Variants in SMARCA4 observed in about 807,000 individuals in gnomAD.
SMARCA4 encodes the protein SWI/SNF related BAF chromatin remodeling complex subunit ATPase 4.
SMARCA4 carries 31 observed loss-of-function variants against 193.9 expected under a neutral mutation model. The observed-to-expected ratio is 0.16, with a 90% CI of 0.12 to 0.22. The LOEUF is 0.22. Among genes scored for constraint, SMARCA4 ranks in the 10% least tolerant of loss-of-function variants. SMARCA4 has a pLI of 1.00. For synonymous variants in SMARCA4, 942 were observed against 933.1 expected, an observed-to-expected ratio of 1.01 and a Z score of -0.17; for missense variants, 1,148 against 2,296.0, an observed-to-expected ratio of 0.50 and a Z score of 10.22.
Position 11,033,207 on chromosome 19 carries a change from C to T in SMARCA4, c.3547-83C>T. 3.8e-6 allele frequency: 4 copies of T among 1,062,350 alleles called. No homozygotes were observed. The highest frequency in any genetic ancestry group is 5.9e-6 in the Non-Finnish European group (4 of 682,170). 65.8% of individuals were successfully genotyped at this position (1,062,350 alleles called of 1,614,324 possible). A position where few individuals can be genotyped will look rare whatever the true frequency, so the allele number is the denominator to read the frequency against. On this transcript the variant is annotated intron_variant, in intron 25 of 34. Transcript: ENST00000344626. The surrounding 1 kb of genome is among the most constrained non-coding windows in gnomAD (Gnocchi z 9.8). ...GGCCGAGGGTGGCACGCACAGCACACCTCTCCAGCTAGTGTCAGAGGCCAC... is the reference window on the plus strand; with the variant it reads ...GGCCGAGGGTGGCACGCACAGCACATCTCTCCAGCTAGTGTCAGAGGCCAC...
In SMARCA4 at chr19:11,003,137, G is replaced by A. The variant is rs2146098679; in HGVS notation, c.1921G>A (p.Ala641Thr). The A allele has an allele frequency of 6.2e-7, 1 of 1,614,192 alleles. No individual in the cohort carries two copies. ...TGCCCCCAAAGCCGGGCAGCTGGAG[G>A]CCTGGCTCGAGATGAACCCGGGGTG... is the stretch of plus-strand genomic sequence containing the variant. ...TDAPKAGQLEAWLEMNPGYEV... is the reference protein window; with the variant it reads ...TDAPKAGQLETWLEMNPGYEV... Residue 641 changes from alanine (A) to threonine (T), a missense_variant, in exon 12 of 35, where the codon GCC becomes ACC. By Grantham distance (58) the Ala-to-Thr change is moderately conservative. This residue lies in a region of SMARCA4 where 115 missense variants were observed against 175.1 expected (regional missense o/e 0.66). Transcript: ENST00000344626.
intron 34 of SMARCA4, 112 bp downstream of exon 34, chr19:11,060,299 G>C: frequency 1.5e-6 from 2 of 1,348,892 alleles, no homozygotes; most frequent in Non-Finnish European, 2.1e-6. Flanking sequence ...CTGCAGGTGG[G>C]AAAGCTGAGG....
intron 30 of SMARCA4, among the ~76,000 whole-genome samples, chr19:11,050,204 A>G (rs1419810770): frequency 6.6e-6 from 1 of 152,244 alleles, no homozygotes; most frequent in Non-Finnish European, 1.5e-5. Flanking sequence ...CAATGGCTGC[A>G]GACTATGCTC....
Position 10,986,520 on chromosome 19 carries a change from A to T in SMARCA4, c.687A>T (p.Gly229=). ...TLPPPSVSAT[G]PGPGPGPGPG... The stretch of plus-strand genomic sequence containing the variant: ...CTCCACCCTCGGTGTCCGCAACAGG[A>T]CCCGGCCCTGGCCCTGGCCCTGGCC... The change falls in exon 4 of 35, where the codon GGA becomes GGT. Residue 229 remains glycine, a synonymous_variant. Transcript: ENST00000344626. The surrounding 1 kb of genome is among the most constrained non-coding windows in gnomAD (Gnocchi z 6.7). 6.5e-7 allele frequency: 1 copy of T among 1,543,708 alleles called. No individual in the cohort carries two copies. The highest frequency in any genetic ancestry group is 1.2e-5 in the South Asian group (1 of 84,004).
At position 11,033,196 on chromosome 19, in the gene SMARCA4, C is replaced by T. The variant is rs1031045687; in HGVS notation, c.3547-94C>T. 1.0e-5 allele frequency: 10 copies of T among 959,772 alleles called. No homozygotes were observed. Among genetic ancestry groups the T allele is most frequent in the Non-Finnish European group, 1.3e-5 (8 of 592,878 alleles). 59.5% of individuals were successfully genotyped at this position (959,772 alleles called of 1,614,324 possible). A position where few individuals can be genotyped will look rare whatever the true frequency, so the allele number is the denominator to read the frequency against. On this transcript the variant is annotated intron_variant, in intron 25 of 34. Transcript: ENST00000344626. The surrounding 1 kb of genome is among the most constrained non-coding windows in gnomAD (Gnocchi z 9.8). ...CAGAATTGTCAGGCCGAGGGTGGCA[C>T]GCACAGCACACCTCTCCAGCTAGTG...
At chr19:11,044,328 C>T (rs2075781401) in intron 30 of SMARCA4, among the ~76,000 whole-genome samples, 2 of 152,118 alleles carry the variant, frequency 1.3e-5, no homozygotes, top group East Asian at 1.9e-4. Flanking sequence ...TCCACGGGAG[C>T]CAAAAGCCAC....
chr19:10,987,447 G>A lies in SMARCA4; in HGVS notation c.860-219G>A, dbSNP rs1474947362. On this transcript the variant is annotated intron_variant, in intron 5 of 34. Transcript: ENST00000344626. This position sits in a 1 kb window ranked among gnomAD's most constrained non-coding sequence, Gnocchi z 5.3. ...GAACAAAAAGGCCTTGGGAGCCTGG[G>A]GCTGGCCCCAGTGGAGGGTGTGAAG... Among the ~76,000 whole-genome samples the A allele has an allele frequency of 2.0e-5, 3 of 152,190 alleles. No individual in the cohort carries two copies. Among genetic ancestry groups the A allele is most frequent in the Admixed American group, 6.5e-5 (1 of 15,282 alleles).
intron 30 of SMARCA4, among the ~76,000 whole-genome samples, chr19:11,043,883 C>G (rs760084552): frequency 6.6e-6 from 1 of 151,912 alleles, no homozygotes; most frequent in African/African-American, 2.4e-5. Flanking sequence ...AGGCTGGGCA[C>G]GAGAATCGCT....
intron 30 of SMARCA4, among the ~76,000 whole-genome samples, chr19:11,042,188 C>T (rs2075657451): frequency 6.6e-6 from 1 of 152,258 alleles, no homozygotes; most frequent in Non-Finnish European, 1.5e-5. Flanking sequence ...CATGCGGTTC[C>T]AGCTGTGGCC....
chr19:11,061,200 A>AT (rs1555796973), intron 34 of SMARCA4, among the ~76,000 whole-genome samples: 202 of 70,392 alleles, frequency 2.9e-3, no homozygotes, highest in Non-Finnish European at 4.4e-3. Flanking sequence ...AAAAAAAAAA[A>AT]AAAAATATAT....
At chr19:11,025,101 G>A (rs1206650911) in intron 21 of SMARCA4, among the ~76,000 whole-genome samples, 1 of 150,584 alleles carries the variant, frequency 6.6e-6, no homozygotes, top group African/African-American at 2.4e-5. Flanking sequence ...CACAGTAACA[G>A]TGCCCAGAAC....
At chr19:11,026,277 A>T (rs1294701018) in intron 22 of SMARCA4, 23 bp from the exon 23 acceptor site, 2 of 1,609,746 alleles carry the variant, frequency 1.2e-6, no homozygotes, top group Non-Finnish European at 1.7e-6. Flanking sequence ...CCTGTCACTG[A>T]CCCCTCTCTC....
At chr19:11,021,050 C>A (rs2089823247) in intron 18 of SMARCA4, 1 of 164,670 alleles carries the variant, frequency 6.1e-6, no homozygotes, top group Admixed American at 5.6e-5. Context: ...CAGGCTCTTA[C>A]CTCAGGTCCA....
chr19:11,010,684 G>A (rs775331215), intron 15 of SMARCA4, among the ~76,000 whole-genome samples, 153 bp downstream of exon 15: 1 of 152,160 alleles, frequency 6.6e-6, no homozygotes, highest in Non-Finnish European at 1.5e-5. Context: ...GTTTCCCCAT[G>A]TGTAAAGCAG....
At chr19:11,001,293 A>T (rs2087610455) in intron 11 of SMARCA4, among the ~76,000 whole-genome samples, 1 of 151,538 alleles carries the variant, frequency 6.6e-6, no homozygotes, top group African/African-American at 2.4e-5. Context: ...ACATAGGGAG[A>T]CTCTGTCTCT....
intron 8 of SMARCA4, among the ~76,000 whole-genome samples, chr19:10,993,762 C>T (rs570900875): frequency 7.9e-5 from 12 of 151,986 alleles, no homozygotes; most frequent in African/African-American, 2.4e-4. Context: ...TCTTCTGCCT[C>T]GGCCTCCTGA....
At chr19:10,967,900 G>A (rs1239306912) in intron 1 of SMARCA4, among the ~76,000 whole-genome samples, 2 of 147,166 alleles carry the variant, frequency 1.4e-5, no homozygotes, top group Admixed American at 6.9e-5. Flanking sequence ...TTTTTGAGAC[G>A]GAGTCTTGCT....
At chr19:11,022,947 C>G (rs992671484) in intron 19 of SMARCA4, among the ~76,000 whole-genome samples, 2 of 152,172 alleles carry the variant, frequency 1.3e-5, no homozygotes, top group South Asian at 4.1e-4. Context: ...AAAGTTTTGG[C>G]GTCGTCTCAT....
At chr19:10,995,850 T>G in intron 9 of SMARCA4, 1 of 381,618 alleles carries the variant, frequency 2.6e-6, no homozygotes, top group Non-Finnish European at 5.1e-6. Context: ...ATCTGATGTA[T>G]TCTTAGAAAG....
Sources: allele counts gnomAD v4.1 joint callset (sites outside exome capture counted in the v4.1 genomes callset), GRCh38; gene constraint gnomAD v4.1.1; regional missense constraint gnomAD v4.1.1; non-coding constraint Gnocchi (gnomAD v3.1); transcripts MANE v1.5; gene names NCBI Gene and HGNC (gene_info 2026-07-23, HGNC 2026-07-21).